CRBN: variants seen among roughly 807,000 people sequenced by gnomAD.
The protein encoded by CRBN is protein cereblon.
Under a neutral mutation model 62.2 loss-of-function variants are expected in CRBN, and 53 were observed. The ratio of observed to expected loss-of-function variants is 0.85; its 90% CI spans 0.68 to 1.07. CRBN has a LOEUF of 1.07. Among genes scored for constraint, CRBN ranks in the 50% least tolerant of loss-of-function variants. CRBN has a pLI of 0.00. For missense variants in CRBN, 616 were observed against 531.1 expected, an observed-to-expected ratio of 1.16 and a Z score of -1.57; for synonymous variants, 208 against 176.1, an observed-to-expected ratio of 1.18 and a Z score of -1.43.
At chr3:3,160,511 G>T (rs1707096162) in intron 5 of CRBN, among the ~76,000 whole-genome samples, 1 of 152,138 alleles carries the variant, frequency 6.6e-6, no homozygotes, top group Non-Finnish European at 1.5e-5. Flanking sequence ...ATACACAAGT[G>T]TACATACAAG....
chr3:3,169,366 A>G (rs1359491163), intron 4 of CRBN, among the ~76,000 whole-genome samples: 1 of 152,194 alleles, frequency 6.6e-6, no homozygotes, highest in Non-Finnish European at 1.5e-5. Context: ...AACATAATTT[A>G]TATAAATGTT....
chr3:3,175,540 C>T (rs1013148937), intron 1 of CRBN, among the ~76,000 whole-genome samples: 4 of 152,152 alleles, frequency 2.6e-5, no homozygotes, highest in African/African-American at 9.7e-5. Context: ...GTCACACATC[C>T]TTTTCCCCTA....
At position 3,165,086 on chromosome 3, in the gene CRBN, G is replaced by A. The variant is rs114026900; in HGVS notation, c.687+2548C>T. 1.0e-3 allele frequency among the ~76,000 whole-genome samples: 159 copies of A among 152,210 alleles called. 1 individual carries two copies. The highest frequency in any genetic ancestry group is 3.8e-3 in the African/African-American group (156 of 41,556). On this transcript the variant is annotated intron_variant, in intron 5 of 10. Transcript: ENST00000231948. ...CAGTTAAGTAACTGCAGATGTGACA[G>A]AAACAAAAAGAGAACTAAAGTTAGA...
chr3:3,172,664 A>G (rs1707668698), intron 4 of CRBN, 112 bp downstream of exon 4: 2 of 1,099,740 alleles, frequency 1.8e-6, no homozygotes, highest in Admixed American at 1.7e-5. Context: ...GGGAAAGAGA[A>G]CAACTAGTTA....
chr3:3,176,618 C>A (rs1707833356), intron 1 of CRBN, among the ~76,000 whole-genome samples: 1 of 152,162 alleles, frequency 6.6e-6, no homozygotes. Context: ...TGCCTGTAAT[C>A]CCAGCTACTG....
intron 4 of CRBN, among the ~76,000 whole-genome samples, chr3:3,170,706 G>A (rs1378422881): frequency 6.6e-6 from 1 of 152,204 alleles, no homozygotes; most frequent in Admixed American, 6.5e-5. Flanking sequence ...TTTAAATGAA[G>A]ACAGACATAC....
intron 5 of CRBN, among the ~76,000 whole-genome samples, chr3:3,160,439 A>G (rs1707092313): frequency 6.6e-6 from 1 of 152,192 alleles, no homozygotes; most frequent in Admixed American, 6.5e-5. Context: ...CTACATGGTA[A>G]TAAGAACTGG....
At chr3:3,174,791 T>C (rs1705797) in intron 2 of CRBN, among the ~76,000 whole-genome samples, 99,689 of 152,112 alleles carry the variant, frequency 0.66, 34,893 homozygotes, top group Middle Eastern at 0.81. Context: ...AACACAGAAA[T>C]TCAAGAATTT....
intron 5 of CRBN, among the ~76,000 whole-genome samples, chr3:3,164,684 A>G (rs1191640847): frequency 6.6e-6 from 1 of 152,204 alleles, no homozygotes; most frequent in Non-Finnish European, 1.5e-5. Flanking sequence ...GACTCTTTAT[A>G]ATTATTACTG....
Position 3,179,618 on chromosome 3 carries a change from T to C in CRBN, c.67+3A>G. The C allele has an allele frequency of 6.2e-7, 1 of 1,613,616 alleles. No individual in the cohort carries two copies. Among genetic ancestry groups the C allele is most frequent in the African/African-American group, 1.3e-5 (1 of 75,048 alleles). On this transcript the variant is annotated splice_donor_region_variant and intron_variant, in intron 1 of 10. Transcript: ENST00000231948. The stretch of plus-strand genomic sequence containing the variant: ...ACTACAGGGAACTACTCCGGGCGGT[T>C]ACCAGGCAGGAGCGGCAGGTGGTTG...
At chr3:3,168,238 A>T (rs1363161188) in intron 4 of CRBN, among the ~76,000 whole-genome samples, 3 of 152,200 alleles carry the variant, frequency 2.0e-5, no homozygotes, top group Admixed American at 2.0e-4. Context: ...TAATCTAAGT[A>T]GAGAAAGGAA....
At chr3:3,156,602 C>G (rs1244177471) in intron 5 of CRBN, 3 of 332,512 alleles carry the variant, frequency 9.0e-6, no homozygotes, top group Non-Finnish European at 1.7e-5. Context: ...ATGTTAGTTG[C>G]CTTTATACTA....
At chr3:3,171,605 T>C (rs1029482132) in intron 4 of CRBN, among the ~76,000 whole-genome samples, 1 of 152,174 alleles carries the variant, frequency 6.6e-6, no homozygotes, top group Non-Finnish European at 1.5e-5. Flanking sequence ...CTAAACACCC[T>C]AAGAGCTCTG....
chr3:3,154,578 T>C (rs1331296706), intron 7 of CRBN, 169 bp downstream of exon 7: 1 of 503,506 alleles, frequency 2.0e-6, no homozygotes, highest in East Asian at 3.2e-5. Context: ...GCAATTAATT[T>C]TAAAATACTC....
At chr3:3,177,246 T>C (rs1707862142) in intron 1 of CRBN, among the ~76,000 whole-genome samples, 1 of 152,238 alleles carries the variant, frequency 6.6e-6, no homozygotes, top group Non-Finnish European at 1.5e-5. Context: ...TCTAAATCGA[T>C]AAAATGTCAT....
chr3:3,152,302 GC>G (rs1024551416), intron 10 of CRBN, among the ~76,000 whole-genome samples, 153 bp downstream of exon 10: 1 of 151,550 alleles, frequency 6.6e-6, no homozygotes, highest in Non-Finnish European at 1.5e-5. Context: ...ACAGACCCCT[GC>G]CCCCATACCC....
rs1707218246 is a variant in CRBN at position 3,163,538 on chromosome 3, T to TA, written c.687+4095dup. On this transcript the variant is annotated intron_variant, in intron 5 of 10. Coordinates refer to ENST00000231948, the MANE Select transcript of CRBN (RefSeq NM_016302.4). ...GGAAGAATTTAAGTAGTAACTCACA[T>TA]AAAAAATAAATTTAAAAAGCAGTCT... is the stretch of plus-strand genomic sequence containing the variant. Among the ~76,000 whole-genome samples, 5 of 152,296 alleles carry TA rather than the reference T, an allele frequency of 3.3e-5. No individual in the cohort carries two copies. The South Asian group carries it at 1.0e-3, about 32-fold the overall frequency.
chr3:3,153,283 A>C (rs1346404359), intron 9 of CRBN, 141 bp downstream of exon 9: 1 of 612,114 alleles, frequency 1.6e-6, no homozygotes. Context: ...GTCTTAGCAA[A>C]AGTGAGCTAA....
chr3:3,174,229 G>A lies in CRBN; in HGVS notation c.207C>T (p.Gly69=), dbSNP rs1326552604. ...AGCTGTCGTCATCGTGCAAAGTCCT[G>A]CCATGAAATTCTTCCATATCAGCAC... The part of the protein sequence containing the change: ...YLGADMEEFH[G]RTLHDDDSCQ... The change falls in exon 3 of 11, where the codon GGC becomes GGT. Residue 69 remains glycine (G), a synonymous_variant. Coordinates refer to ENST00000231948, the MANE Select transcript of CRBN (RefSeq NM_016302.4). The A allele has an allele frequency of 4.3e-6, 7 of 1,613,972 alleles. No homozygotes were observed. The highest frequency in any genetic ancestry group is 1.7e-5 in the Admixed American group (1 of 60,008).
Sources: gnomAD v4.1 joint callset for allele counts (sites outside exome capture counted in the v4.1 genomes callset) on GRCh38, gnomAD v4.1.1 for gene constraint, MANE v1.5 for transcripts, NCBI Gene and HGNC (gene_info 2026-07-23, HGNC 2026-07-21) for gene names.